Variants in COL5A2 observed in about 807,000 individuals in gnomAD.
COL5A2 encodes the protein collagen alpha-2(V) chain.
COL5A2 carries 23 observed loss-of-function variants against 208.2 expected under a neutral mutation model. The ratio of observed to expected loss-of-function variants is 0.11; its 90% CI spans 0.08 to 0.16. The LOEUF (loss-of-function observed/expected upper bound fraction) is 0.16, where lower values mean the gene tolerates loss of function less well. COL5A2 is among the 10% of genes least tolerant of loss of function. The pLI, the probability that COL5A2 is intolerant of heterozygous loss-of-function variation, is 1.00. For missense variants in COL5A2, 1,590 were observed against 1,956.4 expected (o/e 0.81, Z 3.53); for synonymous variants, 625 against 628.5 (o/e 0.99, Z 0.08).
At chr2:189,209,089 T>G (rs1689177075) in intron 1 of COL5A2, among the ~76,000 whole-genome samples, 1 of 152,176 alleles carries the variant, frequency 6.6e-6, no homozygotes, top group African/African-American at 2.4e-5. Flanking sequence ...TTCTGAAAAC[T>G]TCAGCCTTCT....
At chr2:189,194,565 T>A (rs1688973877) in intron 1 of COL5A2, among the ~76,000 whole-genome samples, 1 of 152,284 alleles carries the variant, frequency 6.6e-6, no homozygotes, top group East Asian at 1.9e-4. Context: ...ATATTCTAAC[T>A]CATATGTATA....
chr2:189,053,534 AT>A, intron 37 of COL5A2, 57 bp from the exon 38 acceptor site: 1 of 1,387,618 alleles, frequency 7.2e-7, no homozygotes, highest in South Asian at 1.2e-5. Context: ...CAGGAACAGT[AT>A]TTTAAAATAT....
At chr2:189,239,175 C>G in the COL5A2 span, among the ~76,000 whole-genome samples, 2 of 151,968 alleles carry the variant, frequency 1.3e-5, no homozygotes, top group Non-Finnish European at 2.9e-5. Context: ...CAAGTGTTGA[C>G]AGAACTTCTG....
the COL5A2 span, among the ~76,000 whole-genome samples, chr2:189,286,773 T>C: frequency 6.6e-6 from 1 of 152,180 alleles, no homozygotes; most frequent in Non-Finnish European, 1.5e-5. Flanking sequence ...ATAAATACAA[T>C]ATGGAATTAG....
At chr2:189,065,093 T>C in intron 23 of COL5A2, 36 bp from the exon 24 acceptor site, 1 of 1,601,814 alleles carries the variant, frequency 6.2e-7, no homozygotes. Flanking sequence ...TAATTGTTGT[T>C]GATATTTTTG....
At chr2:189,228,917 T>C (rs892817961), upstream of COL5A2, among the ~76,000 whole-genome samples, 1 of 151,820 alleles carries the variant, frequency 6.6e-6, no homozygotes, top group African/African-American at 2.4e-5. Flanking sequence ...CTCAAAAATA[T>C]ATGAGCAAAC....
At position 189,083,980 on chromosome 2, in the gene COL5A2, T is replaced by A. The variant is rs376981154; in HGVS notation, c.852+4A>T. The A allele has an allele frequency of 5.6e-6, 9 of 1,609,132 alleles. No homozygotes were observed. The highest frequency in any genetic ancestry group is 8.5e-7 in the Non-Finnish European group (1 of 1,175,694). The stretch of plus-strand genomic sequence containing the variant: ...GTTTGCCTTTATGTTGAGTATAAAC[T>A]TACCGGAGATCCTGCAAATCCCACT... On this transcript the variant is annotated splice_donor_region_variant and intron_variant, in intron 12 of 53. Transcript: ENST00000374866.
chr2:189,112,899 T>C (rs766809580), intron 1 of COL5A2, among the ~76,000 whole-genome samples: 1 of 152,164 alleles, frequency 6.6e-6, no homozygotes, highest in Non-Finnish European at 1.5e-5. Context: ...ACAACCTGTA[T>C]AAAAATGGGC....
intron 35 of COL5A2, among the ~76,000 whole-genome samples, chr2:189,055,093 C>T (rs925258543): frequency 2.6e-5 from 4 of 152,036 alleles, no homozygotes; most frequent in African/African-American, 4.8e-5. Context: ...TCACCATAGC[C>T]AGGGTGGTCT....
chr2:189,183,248 A>T (rs905684648), upstream of COL5A2, among the ~76,000 whole-genome samples: 4 of 151,270 alleles, frequency 2.6e-5, no homozygotes, highest in African/African-American at 9.7e-5. Flanking sequence ...TAATACTGAA[A>T]CTCTTTCCAT....
chr2:189,363,469 T>C, the COL5A2 span, among the ~76,000 whole-genome samples: 3 of 152,198 alleles, frequency 2.0e-5, no homozygotes, highest in African/African-American at 4.8e-5. Context: ...TTATTGCTTT[T>C]TCGCATGCTA....
At chr2:189,226,690 T>C (rs1236172533), upstream of COL5A2, among the ~76,000 whole-genome samples, 2 of 152,022 alleles carry the variant, frequency 1.3e-5, no homozygotes, top group African/African-American at 2.4e-5. Flanking sequence ...ACTGGGTGTA[T>C]GCTGCTACTC....
chr2:189,139,066 C>A (rs974120521), intron 1 of COL5A2, among the ~76,000 whole-genome samples: 1 of 152,050 alleles, frequency 6.6e-6, no homozygotes, highest in African/African-American at 2.4e-5. Context: ...GAGGAAACAG[C>A]AAATTTACAG....
the COL5A2 span, among the ~76,000 whole-genome samples, chr2:189,414,880 G>A: frequency 1.3e-5 from 2 of 150,170 alleles, no homozygotes; most frequent in Non-Finnish European, 3.0e-5. Context: ...CTTATATTTT[G>A]TGGATACATA....
chr2:189,361,906 C>T, the COL5A2 span, among the ~76,000 whole-genome samples: 4 of 152,042 alleles, frequency 2.6e-5, no homozygotes, highest in African/African-American at 9.7e-5. Context: ...CACTTTAATA[C>T]CATTCTCCCC....
upstream of COL5A2, among the ~76,000 whole-genome samples, chr2:189,181,041 T>C (rs1388344932): frequency 1.3e-5 from 2 of 152,116 alleles, no homozygotes; most frequent in Non-Finnish European, 2.9e-5. Context: ...TCAAGGAACA[T>C]ATGTAGGTGT....
At chr2:189,255,836 G>A in the COL5A2 span, among the ~76,000 whole-genome samples, 1 of 152,086 alleles carries the variant, frequency 6.6e-6, no homozygotes, top group Non-Finnish European at 1.5e-5. Flanking sequence ...TTGATGAAGG[G>A]ATTAAGATAA....
intron 44 of COL5A2, among the ~76,000 whole-genome samples, chr2:189,049,059 T>A (rs1410919158): frequency 2.0e-5 from 3 of 152,092 alleles, no homozygotes; most frequent in Non-Finnish European, 4.4e-5. Context: ...GAAAGATGAA[T>A]GGATGTGTCC....
chr2:189,173,507 G>T (rs1056644511), intron 1 of COL5A2, among the ~76,000 whole-genome samples: 1 of 152,068 alleles, frequency 6.6e-6, no homozygotes. Flanking sequence ...CCATGCAAAT[G>T]CCAAGAGTAA....
Sources: allele counts gnomAD v4.1 joint callset (sites outside exome capture counted in the v4.1 genomes callset), GRCh38; gene constraint gnomAD v4.1.1; transcripts MANE v1.5; gene names NCBI Gene and HGNC (gene_info 2026-07-23, HGNC 2026-07-21).